PIK3R1: variants seen among roughly 807,000 people sequenced by gnomAD.
PIK3R1 encodes phosphatidylinositol 3-kinase regulatory subunit alpha.
Under a neutral mutation model 98.0 loss-of-function variants are expected in PIK3R1, and 29 were observed. That is an observed-to-expected ratio of 0.30 (90% confidence interval 0.22 to 0.40). The LOEUF (loss-of-function observed/expected upper bound fraction) is 0.40. PIK3R1 is among the 10% of genes least tolerant of loss of function. The probability of loss-of-function intolerance (pLI) is 1.00; values close to 1 mark genes in which losing one functional copy is unlikely to be tolerated. For missense variants in PIK3R1, 596 were observed against 872.7 expected (o/e 0.68, Z 3.99); for synonymous variants, 282 against 311.8 (o/e 0.90, Z 1.01).
At chr5:68,227,191 G>A (rs1744310604) in intron 2 of PIK3R1, among the ~76,000 whole-genome samples, 182 bp downstream of exon 2, 1 of 152,170 alleles carries the variant, frequency 6.6e-6, no homozygotes, top group Non-Finnish European at 1.5e-5. Flanking sequence ...GTGTTTGTGG[G>A]GTTGGAAGTT....
chr5:68,253,978 AC>A (rs1354525922), intron 2 of PIK3R1, among the ~76,000 whole-genome samples: 1 of 105,376 alleles, frequency 9.5e-6, no homozygotes, highest in African/African-American at 4.3e-5. Context: ...TTTCCCGTGG[AC>A]CCCCTTTTTT....
intron 7 of PIK3R1, among the ~76,000 whole-genome samples, chr5:68,283,228 T>C (rs1746923344): frequency 6.6e-6 from 1 of 152,198 alleles, no homozygotes; most frequent in Non-Finnish European, 1.5e-5. Flanking sequence ...ACCTGAATGA[T>C]GTTTAAGGGA....
chr5:68,266,934 T>G (rs1309124185), intron 2 of PIK3R1, among the ~76,000 whole-genome samples: 1 of 152,238 alleles, frequency 6.6e-6, no homozygotes, highest in Non-Finnish European at 1.5e-5. Context: ...CCGCCCACTG[T>G]GTGTCATGGC....
At chr5:68,250,390 G>A (rs1037402881) in intron 2 of PIK3R1, among the ~76,000 whole-genome samples, 2 of 152,184 alleles carry the variant, frequency 1.3e-5, no homozygotes, top group African/African-American at 4.8e-5. Flanking sequence ...CCCCAGCTCC[G>A]TCAGCTCCTT....
intron 2 of PIK3R1, among the ~76,000 whole-genome samples, chr5:68,250,551 A>G (rs1027613972): frequency 6.6e-6 from 1 of 152,222 alleles, no homozygotes; most frequent in Non-Finnish European, 1.5e-5. Context: ...TATGTCACCA[A>G]AACATGCCCG....
intron 2 of PIK3R1, among the ~76,000 whole-genome samples, chr5:68,250,976 G>A (rs780315441): frequency 5.9e-5 from 9 of 152,152 alleles, no homozygotes; most frequent in Non-Finnish European, 1.0e-4. Flanking sequence ...GTATGTTTTC[G>A]TTTTGTGAAC....
chr5:68,226,124 A>G (rs1744267477), intron 1 of PIK3R1, among the ~76,000 whole-genome samples, 166 bp from the exon 2 acceptor site: 2 of 152,148 alleles, frequency 1.3e-5, no homozygotes, highest in Admixed American at 6.5e-5. Flanking sequence ...TGTTCTTAGA[A>G]GGCAGGGACT....
At chr5:68,225,261 T>C (rs1034694557) in intron 1 of PIK3R1, among the ~76,000 whole-genome samples, 1 of 152,160 alleles carries the variant, frequency 6.6e-6, no homozygotes, top group African/African-American at 2.4e-5. Flanking sequence ...ACTTTTGATT[T>C]GTCCTTGTGA....
chr5:68,262,593 C>CTACATGTATACACATGTAGA (rs1745828408), intron 2 of PIK3R1, among the ~76,000 whole-genome samples: 3 of 129,506 alleles, frequency 2.3e-5, no homozygotes, highest in African/African-American at 6.4e-5. Context: ...ACACATGTAT[C>CTACATGTATACACATGTAGA]TGCATGTATA....
chr5:68,283,904 A>C (rs2112207861), intron 7 of PIK3R1, among the ~76,000 whole-genome samples: 1 of 152,334 alleles, frequency 6.6e-6, no homozygotes, highest in South Asian at 2.1e-4. Context: ...AGTTTCCAGC[A>C]TGTAATAAAC....
At position 68,297,480 on chromosome 5, in the gene PIK3R1, A is replaced by G; in HGVS notation, c.2054A>G (p.Tyr685Cys). 1 of 1,614,208 alleles carries G rather than the reference A, an allele frequency of 6.2e-7. No individual in the cohort carries two copies. Among genetic ancestry groups the G allele is most frequent in the Non-Finnish European group, 8.5e-7 (1 of 1,180,006 alleles). ...TATGYGFAEP[Y>C]NLYSSLKELV... ...ACTGGCTATGGCTTTGCCGAGCCCT[A>G]TAACTTGTACAGCTCTCTGAAAGAA... The change falls in exon 16 of 16, where the codon TAT (tyrosine) becomes TGT (cysteine). Residue 685 changes from tyrosine (Y) to cysteine (C), a missense_variant. Physicochemically the swap from Tyr to Cys is radical, Grantham distance 194. This residue lies in a region of PIK3R1 where 207 missense variants were observed against 361.4 expected (regional missense o/e 0.57). Transcript: ENST00000521381.
intron 2 of PIK3R1, among the ~76,000 whole-genome samples, chr5:68,256,481 C>T (rs991683178): frequency 1.6e-4 from 25 of 152,198 alleles, no homozygotes; most frequent in African/African-American, 5.5e-4. Context: ...CCGCCCGCCT[C>T]GGCCTCCCAA....
At chr5:68,280,393 T>C (rs1746779074) in intron 5 of PIK3R1, 135 bp from the exon 6 acceptor site, 1 of 675,370 alleles carries the variant, frequency 1.5e-6, no homozygotes, top group Non-Finnish European at 2.6e-6. Flanking sequence ...AAATGTACTG[T>C]GTGCTTCTCC....
intron 2 of PIK3R1, among the ~76,000 whole-genome samples, chr5:68,248,473 C>A (rs930162481): frequency 4.6e-5 from 7 of 152,152 alleles, no homozygotes; most frequent in Admixed American, 3.3e-4. Flanking sequence ...ATTAAGATTA[C>A]CAAAGATTAG....
At chr5:68,273,637 G>T (rs1669749049) in intron 3 of PIK3R1, 155 bp downstream of exon 3, 1 of 665,752 alleles carries the variant, frequency 1.5e-6, no homozygotes, top group Non-Finnish European at 2.6e-6. Flanking sequence ...GCTAAGTACT[G>T]GGAAAAATGT....
chr5:68,227,497 G>A (rs1744324627), intron 2 of PIK3R1, among the ~76,000 whole-genome samples: 1 of 152,126 alleles, frequency 6.6e-6, no homozygotes, highest in South Asian at 2.1e-4. Context: ...AACACTTCTG[G>A]TTCCAAGCAT....
chr5:68,243,198 ATG>A (rs10552907), intron 2 of PIK3R1, among the ~76,000 whole-genome samples: 129,328 of 151,826 alleles, frequency 0.85, 55,214 homozygotes, highest in South Asian at 0.9. Flanking sequence ...CATAACTTGT[ATG>A]TTTCACATAT....
In PIK3R1 at chr5:68,268,590, G is replaced by T. The variant is rs1746216038; in HGVS notation, c.335-4800G>T. Among the ~76,000 whole-genome samples, 2 of 152,282 alleles carry T rather than the reference G, an allele frequency of 1.3e-5. 1 individual carries two copies. Among genetic ancestry groups the T allele is most frequent in the South Asian group, 4.1e-4 (2 of 4,822 alleles). ...TTGATATAATACTGATCCACACTTT[G>T]CATATACACTTTCTTTTCTTTGTAT... On this transcript the variant is annotated intron_variant, in intron 2 of 15. Coordinates refer to ENST00000521381, the MANE Select transcript of PIK3R1 (RefSeq NM_181523.3).
At chr5:68,283,040 T>C (rs1029133778) in intron 7 of PIK3R1, among the ~76,000 whole-genome samples, 1 of 152,260 alleles carries the variant, frequency 6.6e-6, no homozygotes, top group African/African-American at 2.4e-5. Flanking sequence ...ATGACTGCTA[T>C]GGCAGCCTGG....
Sources: gnomAD v4.1 joint callset for allele counts (sites outside exome capture counted in the v4.1 genomes callset) on GRCh38, gnomAD v4.1.1 for gene constraint, gnomAD v4.1.1 regional missense constraint, MANE v1.5 for transcripts, NCBI Gene and HGNC (gene_info 2026-07-23, HGNC 2026-07-21) for gene names.